The following CNTNAP2 variants were observed in gnomAD, a reference collection of about 807,000 sequenced individuals.
The protein encoded by CNTNAP2 is contactin associated protein 2.
Under a neutral mutation model 155.2 loss-of-function variants are expected in CNTNAP2, and 98 were observed. The observed-to-expected ratio is 0.63, with a 90% CI of 0.54 to 0.75. CNTNAP2 has a LOEUF of 0.75. Ranked by LOEUF, CNTNAP2 falls within the 30% of genes least tolerant of loss-of-function variation. The pLI is 0.00. For missense variants in CNTNAP2, 1,727 were observed against 1,688.1 expected, an observed-to-expected ratio of 1.02 and a Z score of -0.40; for synonymous variants, 651 against 631.2, an observed-to-expected ratio of 1.03 and a Z score of -0.47.
At chr7:147,718,441 ACT>A (rs1385767201) in intron 13 of CNTNAP2, among the ~76,000 whole-genome samples, 4 of 152,194 alleles carry the variant, frequency 2.6e-5, no homozygotes, top group Admixed American at 1.3e-4. Flanking sequence ...GTTTTAACTG[ACT>A]CTATAATATT....
chr7:147,217,332 C>A (rs1426890640), intron 8 of CNTNAP2, among the ~76,000 whole-genome samples: 1 of 151,608 alleles, frequency 6.6e-6, no homozygotes, highest in Non-Finnish European at 1.5e-5. Context: ...CCCCTTATTC[C>A]TAGGTTACTG....
intron 3 of CNTNAP2, among the ~76,000 whole-genome samples, chr7:146,883,559 G>A (rs1795596226): frequency 1.3e-5 from 2 of 152,138 alleles, no homozygotes. Flanking sequence ...GGACAACGAA[G>A]AGAAGATTTT....
intron 1 of CNTNAP2, among the ~76,000 whole-genome samples, chr7:146,289,531 G>A (rs1450713735): frequency 1.3e-5 from 2 of 152,152 alleles, no homozygotes; most frequent in African/African-American, 2.4e-5. Context: ...ATAGATAAGT[G>A]TGTTTTTACT....
chr7:147,951,646 C>T (rs553446737), intron 14 of CNTNAP2, among the ~76,000 whole-genome samples: 1 of 151,726 alleles, frequency 6.6e-6, no homozygotes, highest in East Asian at 1.9e-4. Flanking sequence ...CAGAGCTAGA[C>T]CTTGGGTGGG....
chr7:146,123,482 A>G (rs1797592420), intron 1 of CNTNAP2, among the ~76,000 whole-genome samples: 1 of 152,188 alleles, frequency 6.6e-6, no homozygotes, highest in Admixed American at 6.5e-5. Flanking sequence ...CGCACTGTCA[A>G]AATTACTAAA....
chr7:146,899,669 G>C (rs1042455726), intron 3 of CNTNAP2, among the ~76,000 whole-genome samples: 1 of 152,180 alleles, frequency 6.6e-6, no homozygotes, highest in African/African-American at 2.4e-5. Flanking sequence ...CACGGAAGAA[G>C]AACCAGGAAA....
intron 3 of CNTNAP2, among the ~76,000 whole-genome samples, chr7:146,856,306 A>G (rs550234005): frequency 0.03 from 4,205 of 140,068 alleles, 194 homozygotes; most frequent in African/African-American, 0.12. Flanking sequence ...AGATACATAC[A>G]TACATACATA....
chr7:146,200,541 C>T (rs6968397), intron 1 of CNTNAP2, among the ~76,000 whole-genome samples: 91 of 150,506 alleles, frequency 6.0e-4, no homozygotes, highest in East Asian at 1.6e-3. Flanking sequence ...CACACACACA[C>T]ATATATATAC....
intron 12 of CNTNAP2, among the ~76,000 whole-genome samples, chr7:147,575,175 C>T (rs977699304): frequency 1.6e-4 from 4 of 24,718 alleles, no homozygotes; most frequent in Non-Finnish European, 1.6e-4. Flanking sequence ...TAGGAGTATG[C>T]ATATGTGTAT....
rs1266279967 is a variant in CNTNAP2 at position 148,308,545 on chromosome 7, A to G, written c.3475+41419A>G. 2.4e-5 allele frequency among the ~76,000 whole-genome samples: 3 copies of G among 123,538 alleles called. No individual in the cohort carries two copies. The Admixed American group carries it at 2.8e-4, about 11-fold the overall frequency. The allele number at this position is 123,538 out of a possible 152,430, so 81.0% of individuals were successfully genotyped here. On this transcript the variant is annotated intron_variant, in intron 21 of 23. Transcript: ENST00000361727. The stretch of plus-strand genomic sequence containing the variant: ...ATTTTATTTTTTTCCATTTTAACCT[A>G]TTTATGTATTTATTTATTTATTTAT...
rs143444092 is a variant in CNTNAP2 at position 147,723,010 on chromosome 7, C to A, written c.2098+83704C>A. On this transcript the variant is annotated intron_variant, in intron 13 of 23. Transcript: ENST00000361727. ...AGTAAGATTTCTAGCTCTAGAGAGA[C>A]CTTCAAGATTGTCAGCTCTAACACC... 1.1e-3 allele frequency among the ~76,000 whole-genome samples: 161 copies of A among 152,074 alleles called. 2 individuals carry two copies. The East Asian group carries it at 0.027, about 25-fold the overall frequency.
At chr7:147,585,128 G>C (rs576065260) in intron 12 of CNTNAP2, among the ~76,000 whole-genome samples, 2 of 152,104 alleles carry the variant, frequency 1.3e-5, no homozygotes, top group Non-Finnish European at 2.9e-5. Context: ...AATTCCCGTG[G>C]CTTGACCTAA....
At chr7:146,909,170 C>A (rs1224169738) in intron 3 of CNTNAP2, among the ~76,000 whole-genome samples, 1 of 151,660 alleles carries the variant, frequency 6.6e-6, no homozygotes, top group Admixed American at 6.6e-5. Flanking sequence ...AATAGTTTAC[C>A]AACCAAAAAG....
Position 148,402,659 on chromosome 7 carries a change from C to A in CNTNAP2, c.3716-6732C>A, listed in dbSNP as rs186372502. Among the ~76,000 whole-genome samples, 3 of 152,244 alleles carry A rather than the reference C, an allele frequency of 2.0e-5. No homozygotes were observed. The East Asian group carries it at 5.8e-4, about 29-fold the overall frequency. On this transcript the variant is annotated intron_variant, in intron 22 of 23. Coordinates refer to ENST00000361727, the MANE Select transcript of CNTNAP2 (RefSeq NM_014141.6). ...TGTAATAAAACAAAGAAGCTAAGAA[C>A]AAAGGCAGAGATACCTCATCTCGCC...
intron 4 of CNTNAP2, among the ~76,000 whole-genome samples, chr7:147,105,832 TTTG>T (rs1276024231): frequency 6.6e-6 from 1 of 152,036 alleles, no homozygotes; most frequent in African/African-American, 2.4e-5. Flanking sequence ...TACAGAGAAT[TTTG>T]TTTCCCAGCT....
intron 11 of CNTNAP2, among the ~76,000 whole-genome samples, chr7:147,541,461 G>A (rs558177880): frequency 6.6e-6 from 1 of 152,292 alleles, no homozygotes; most frequent in East Asian, 1.9e-4. Flanking sequence ...TGTTGTTGTT[G>A]TTGTCGTAAT....
rs557707481 is a variant in CNTNAP2, at chr7:148,064,497, A to G, written c.2384-53621A>G. On this transcript the variant is annotated intron_variant, in intron 15 of 23. Coordinates refer to ENST00000361727, the MANE Select transcript of CNTNAP2 (RefSeq NM_014141.6). ...CAAACTGTTGCCGTTCACTAAGGAT[A>G]TGATTGTATACCTAGAAAACCCTAA... Among the ~76,000 whole-genome samples, 385 of 152,130 alleles carry G rather than the reference A, an allele frequency of 2.5e-3. 1 individual carries two copies. The highest frequency in any genetic ancestry group is 3.8e-3 in the Non-Finnish European group (257 of 67,920).
chr7:146,449,020 CT>C (rs1398686269), intron 1 of CNTNAP2, among the ~76,000 whole-genome samples: 3 of 152,040 alleles, frequency 2.0e-5, no homozygotes. Context: ...TATTTTCAGT[CT>C]TTCTTTTCTG....
intron 8 of CNTNAP2, among the ~76,000 whole-genome samples, chr7:147,264,638 G>T (rs66602672): frequency 2.7e-5 from 4 of 149,286 alleles, no homozygotes; most frequent in African/African-American, 7.4e-5. Context: ...GATGCCTGAC[G>T]GGGCCAGCCT....
Sources: gnomAD v4.1 joint callset for allele counts (sites outside exome capture counted in the v4.1 genomes callset) on GRCh38, gnomAD v4.1.1 for gene constraint, MANE v1.5 for transcripts, NCBI Gene and HGNC (gene_info 2026-07-23, HGNC 2026-07-21) for gene names.